The following C2orf76 variants were observed in gnomAD, a reference collection of about 807,000 sequenced individuals.
C2orf76 encodes the protein chromosome 2 open reading frame 76.
C2orf76 carries 23 observed loss-of-function variants against 16.9 expected under a neutral mutation model. The ratio of observed to expected loss-of-function variants is 1.36; its 90% CI spans 0.98 to 1.93. C2orf76 has a LOEUF of 1.93. C2orf76 is among the 30% of genes most tolerant of loss of function. The probability of loss-of-function intolerance (pLI) is 0.00; values close to 1 mark genes in which losing one functional copy is unlikely to be tolerated. For missense variants in C2orf76, 152 were observed against 152.6 expected (o/e 1.00, Z 0.02); for synonymous variants, 48 against 52.3 (o/e 0.92, Z 0.35).
chr2:119,281,808 G>A, the C2orf76 span, among the ~76,000 whole-genome samples: 2 of 152,160 alleles, frequency 1.3e-5, no homozygotes, highest in Non-Finnish European at 2.9e-5. Flanking sequence ...GGAAGCAAGT[G>A]AAGTCTTAAG....
chr2:119,337,875 C>T (rs1011398526), intron 2 of C2orf76, among the ~76,000 whole-genome samples: 1 of 152,134 alleles, frequency 6.6e-6, no homozygotes, highest in African/African-American at 2.4e-5. Flanking sequence ...AAAAGAACAC[C>T]GTGACCCTGG....
chr2:119,337,590 G>A (rs1011262990), intron 2 of C2orf76, among the ~76,000 whole-genome samples: 26 of 152,210 alleles, frequency 1.7e-4, no homozygotes, highest in African/African-American at 6.3e-4. Flanking sequence ...ATTCATAAAA[G>A]GCAAATCTGT....
At chr2:119,317,884 C>T (rs1242010287) in intron 3 of C2orf76, among the ~76,000 whole-genome samples, 1 of 151,912 alleles carries the variant, frequency 6.6e-6, no homozygotes, top group Non-Finnish European at 1.5e-5. Context: ...TAGACATTAG[C>T]AAATGCAGTT....
chr2:119,294,745 C>T, the C2orf76 span, among the ~76,000 whole-genome samples: 6,638 of 152,178 alleles, frequency 0.044, 207 homozygotes, highest in East Asian at 0.13. Context: ...GACTGCAGCT[C>T]AGCAGCCATG....
chr2:119,282,102 T>C, the C2orf76 span, among the ~76,000 whole-genome samples: 23 of 151,384 alleles, frequency 1.5e-4, no homozygotes, highest in Non-Finnish European at 1.2e-4. Flanking sequence ...GCCGAGATCA[T>C]GCCATTGCAC....
chr2:119,322,048 C>T (rs1055630802), intron 2 of C2orf76, among the ~76,000 whole-genome samples: 5 of 152,022 alleles, frequency 3.3e-5, no homozygotes, highest in African/African-American at 1.2e-4. Context: ...AAAACATATT[C>T]CAAATGCCAG....
chr2:119,362,563 A>G (rs1004937088), intron 1 of C2orf76, among the ~76,000 whole-genome samples: 3 of 152,372 alleles, frequency 2.0e-5, no homozygotes, highest in Admixed American at 6.5e-5. Flanking sequence ...CATTTTTATT[A>G]AAGTATGAAG....
At chr2:119,285,140 TAAC>T in the C2orf76 span, among the ~76,000 whole-genome samples, 1 of 152,228 alleles carries the variant, frequency 6.6e-6, no homozygotes, top group Non-Finnish European at 1.5e-5. Flanking sequence ...ATTAAATTCT[TAAC>T]AATCTGATAA....
At chr2:119,318,214 A>G (rs558378192) in intron 3 of C2orf76, among the ~76,000 whole-genome samples, 9 of 152,110 alleles carry the variant, frequency 5.9e-5, no homozygotes, top group Non-Finnish European at 7.4e-5. Context: ...TTAATTACAT[A>G]ATCTACACAG....
At chr2:119,366,691 C>G (rs1664488561) in intron 1 of C2orf76, 99 bp downstream of exon 1, 1 of 483,458 alleles carries the variant, frequency 2.1e-6, no homozygotes, top group Non-Finnish European at 3.8e-6. Context: ...GTCCCCTCCC[C>G]TTCCCCCGCG....
downstream of C2orf76, among the ~76,000 whole-genome samples, chr2:119,301,360 G>A (rs1678619073): frequency 1.3e-5 from 2 of 152,196 alleles, no homozygotes; most frequent in Admixed American, 1.3e-4. Flanking sequence ...TTCTAATCAT[G>A]TTAATCAGAG....
rs1491469626 is a variant in C2orf76, at chr2:119,350,082, CCA to C, written c.-12-10113_-12-10112del. On this transcript the variant is annotated intron_variant, in intron 1 of 5. Coordinates refer to ENST00000334816, the MANE Select transcript of C2orf76 (RefSeq NM_001322331.2). The stretch of plus-strand genomic sequence containing the variant: ...CCCGCCCACACCGCCCCCCGCCCCC[CCA>C]CCGTCCCGCGTAAGTGTTTGTAGAA... Among the ~76,000 whole-genome samples the C allele has an allele frequency of 6.8e-4, 90 of 131,862 alleles. 1 individual carries two copies. The highest frequency in any genetic ancestry group is 1.3e-3 in the Non-Finnish European group (75 of 59,566). 86.5% of individuals were successfully genotyped at this position (131,862 alleles called of 152,430 possible).
intron 1 of C2orf76, among the ~76,000 whole-genome samples, chr2:119,361,937 A>G (rs1680759344): frequency 6.6e-6 from 1 of 152,162 alleles, no homozygotes; most frequent in African/African-American, 2.4e-5. Flanking sequence ...CCTGTTGCCT[A>G]GGCTGGAGTG....
chr2:119,340,025 C>A, intron 1 of C2orf76, 54 bp from the exon 2 acceptor site: 1 of 1,570,918 alleles, frequency 6.4e-7, no homozygotes, highest in South Asian at 1.1e-5. Flanking sequence ...CAGTTGTCTA[C>A]CAGCACCTAG....
intron 1 of C2orf76, chr2:119,340,207 A>T (rs1377714667): frequency 7.5e-6 from 3 of 401,728 alleles, no homozygotes; most frequent in Non-Finnish European, 1.4e-5. Flanking sequence ...AGATGTTCTG[A>T]CCAGCAGAAA....
intron 4 of C2orf76, among the ~76,000 whole-genome samples, chr2:119,313,294 A>G (rs1266219237): frequency 2.6e-5 from 4 of 152,072 alleles, no homozygotes; most frequent in African/African-American, 4.8e-5. Flanking sequence ...AAAATACTTT[A>G]CTCAAAAAAT....
intron 1 of C2orf76, chr2:119,366,222 G>T (rs977176661): frequency 1.4e-5 from 5 of 366,300 alleles, no homozygotes; most frequent in Non-Finnish European, 2.7e-5. Flanking sequence ...GTCTGCCAAG[G>T]TCTAGAACAG....
chr2:119,332,012 C>T (rs1573651545), intron 2 of C2orf76, among the ~76,000 whole-genome samples: 1 of 151,484 alleles, frequency 6.6e-6, no homozygotes, highest in Admixed American at 6.6e-5. Flanking sequence ...AATTAAGTCT[C>T]CATAAAAAAA....
At chr2:119,335,008 C>T (rs112858651) in intron 2 of C2orf76, among the ~76,000 whole-genome samples, 14 of 152,112 alleles carry the variant, frequency 9.2e-5, no homozygotes, top group African/African-American at 3.1e-4. Context: ...GGTGGGACCA[C>T]GTTTCTCACT....
Sources: allele counts gnomAD v4.1 joint callset (sites outside exome capture counted in the v4.1 genomes callset), GRCh38; gene constraint gnomAD v4.1.1; transcripts MANE v1.5; gene names NCBI Gene and HGNC (gene_info 2026-07-23, HGNC 2026-07-21).